PPP1R12B: variants seen among roughly 807,000 people sequenced by gnomAD.
PPP1R12B encodes myosin phosphatase target subunit 2.
In PPP1R12B, 76 loss-of-function variants were observed where a neutral mutation model predicts 126.1. That is an observed-to-expected ratio of 0.60 (90% CI 0.50 to 0.73). PPP1R12B has a LOEUF of 0.73. Ranked by LOEUF, PPP1R12B falls within the 30% of genes least tolerant of loss-of-function variation. The probability of loss-of-function intolerance (pLI) is 0.00; values close to 1 mark genes in which losing one functional copy is unlikely to be tolerated. For synonymous variants in PPP1R12B, 356 were observed against 434.7 expected, an observed-to-expected ratio of 0.82 and a Z score of 2.25; for missense variants, 1,052 against 1,205.1, an observed-to-expected ratio of 0.87 and a Z score of 1.88.
intron 13 of PPP1R12B, chr1:202,472,006 G>A (rs1158776193): frequency 6.3e-7 from 1 of 1,595,254 alleles, no homozygotes; most frequent in Non-Finnish European, 8.5e-7. Context: ...TAGCATCCTG[G>A]GCATTTCACA....
intron 1 of PPP1R12B, among the ~76,000 whole-genome samples, chr1:202,373,783 A>G (rs1379129991): frequency 6.6e-6 from 1 of 152,158 alleles, no homozygotes; most frequent in Non-Finnish European, 1.5e-5. Flanking sequence ...GGTTTAAAAA[A>G]ATCCCCTTTT....
chr1:202,430,907 T>C, intron 7 of PPP1R12B, 97 bp downstream of exon 7: 1 of 1,483,450 alleles, frequency 6.7e-7, no homozygotes, highest in Non-Finnish European at 9.0e-7. Flanking sequence ...TCTGTGTTTG[T>C]ATTTAGCCGA....
intron 1 of PPP1R12B, among the ~76,000 whole-genome samples, chr1:202,388,790 AG>A (rs1663594636): frequency 6.6e-6 from 1 of 152,200 alleles, no homozygotes; most frequent in African/African-American, 2.4e-5. Flanking sequence ...AAATTTGGCA[AG>A]CTCATCCTGA....
intron 1 of PPP1R12B, among the ~76,000 whole-genome samples, chr1:202,384,234 A>G (rs1483224376): frequency 2.0e-5 from 3 of 152,260 alleles, no homozygotes; most frequent in East Asian, 1.9e-4. Flanking sequence ...ATATGCCCAC[A>G]TAACAACTTG....
intron 13 of PPP1R12B, among the ~76,000 whole-genome samples, chr1:202,455,203 T>TAGAG (rs1356665221): frequency 8.1e-6 from 1 of 122,904 alleles, no homozygotes; most frequent in African/African-American, 2.5e-5. Flanking sequence ...CATATATATA[T>TAGAG]ATAGAGAGAG....
intron 18 of PPP1R12B, among the ~76,000 whole-genome samples, chr1:202,499,698 A>G (rs1679990538): frequency 6.6e-6 from 1 of 152,258 alleles, no homozygotes; most frequent in South Asian, 2.1e-4. Flanking sequence ...AAGATTGTTT[A>G]ATACTTCACT....
chr1:202,418,258 A>T (rs185439007), intron 2 of PPP1R12B, among the ~76,000 whole-genome samples: 1 of 152,190 alleles, frequency 6.6e-6, no homozygotes, highest in Non-Finnish European at 1.5e-5. Context: ...TTTAAGAAAC[A>T]TTTATAGAAC....
At chr1:202,396,768 A>G (rs1446707326) in intron 1 of PPP1R12B, among the ~76,000 whole-genome samples, 1 of 152,146 alleles carries the variant, frequency 6.6e-6, no homozygotes, top group Non-Finnish European at 1.5e-5. Context: ...GCGTGCCATC[A>G]TGCGTGGCTA....
rs3817223 is a variant in PPP1R12B at position 202,495,647 on chromosome 1, C to A, written c.2413C>A (p.Arg805=). ...IRERRRPKER[R]RGTGINFWTK... ...AGAGAGGAGGCGGCCCAAGGAACGA[C>A]GAAGAGGCACAGGCATCAATTTCTG... is the stretch of plus-strand genomic sequence containing the variant. The change falls in exon 17 of 24, where the codon CGA becomes AGA. Residue 805 remains arginine, a synonymous_variant. Coordinates refer to ENST00000608999, the MANE Select transcript of PPP1R12B (RefSeq NM_002481.4). 2 of 1,614,022 alleles carry A rather than the reference C, an allele frequency of 1.2e-6. No homozygotes were observed. The highest frequency in any genetic ancestry group is 1.7e-5 in the Admixed American group (1 of 59,996).
At chr1:202,524,109 G>T (rs1172489076) in intron 18 of PPP1R12B, among the ~76,000 whole-genome samples, 1 of 152,174 alleles carries the variant, frequency 6.6e-6, no homozygotes, top group Non-Finnish European at 1.5e-5. Context: ...AGTAATCCAG[G>T]CAAGAAATGA....
At position 202,448,992 on chromosome 1, in the gene PPP1R12B, T is replaced by C. The variant is rs1234248733; in HGVS notation, c.1671T>C (p.Thr557=). 2 of 1,613,678 alleles carry C rather than the reference T, an allele frequency of 1.2e-6. 1 individual carries two copies. Among genetic ancestry groups the C allele is most frequent in the South Asian group, 2.2e-5 (2 of 91,070 alleles). The part of the protein sequence containing the change: ...STYVSTYLKR[T]PHKSQADTTA... The stretch of plus-strand genomic sequence containing the variant: ...CTTGTATCTTTTTAAATTTCAGGAC[T>C]CCTCACAAATCCCAGGCCGACACAA... The change falls in exon 13 of 24, where the codon ACT becomes ACC. Residue 557 remains threonine (T), a synonymous_variant. Coordinates refer to ENST00000608999, the MANE Select transcript of PPP1R12B (RefSeq NM_002481.4).
chr1:202,567,914 A>G lies in PPP1R12B; in HGVS notation c.2811+83A>G. The G allele has an allele frequency of 3.3e-6, 5 of 1,507,606 alleles. No homozygotes were observed. In the South Asian group the frequency reaches 4.7e-5, roughly 14 times the overall value. 93.4% of individuals were successfully genotyped at this position (1,507,606 alleles called of 1,614,324 possible). On this transcript the variant is annotated intron_variant, in intron 22 of 23. Transcript: ENST00000608999. ...CCCACTTTGTTATTCATGCCAATGG[A>G]AAAAGTCCATCTTAAGAAGGAGGGA... is the stretch of plus-strand genomic sequence containing the variant.
At chr1:202,405,108 G>A (rs1666412512) in intron 1 of PPP1R12B, among the ~76,000 whole-genome samples, 1 of 152,060 alleles carries the variant, frequency 6.6e-6, no homozygotes, top group Non-Finnish European at 1.5e-5. Flanking sequence ...TTCTTAACCT[G>A]TTCTTTGGTA....
Position 202,586,106 on chromosome 1 carries a change from A to G in PPP1R12B, c.*5546A>G, listed in dbSNP as rs990507324. The G allele has an allele frequency of 6.6e-6, 1 of 152,246 alleles. No individual in the cohort carries two copies. The highest frequency in any genetic ancestry group is 1.5e-5 in the Non-Finnish European group (1 of 68,052). The allele number at this position is 152,246 out of a possible 1,614,324, so 9.4% of individuals were successfully genotyped here. A position where few individuals can be genotyped will look rare whatever the true frequency, so the allele number is the denominator to read the frequency against. ...TCTGGATTTTGGACTTACCAGAAGT[A>G]GGAGGTTCTGATACCATTCAAGATG... On this transcript the variant is annotated 3_prime_UTR_variant, in exon 24 of 24. Transcript: ENST00000608999.
At chr1:202,430,883 TAA>T in intron 7 of PPP1R12B, 73 bp downstream of exon 7, 1 of 1,537,558 alleles carries the variant, frequency 6.5e-7, no homozygotes, top group East Asian at 2.3e-5. Context: ...TCAGAATTTA[TAA>T]AGTGAAGAAA....
At chr1:202,425,797 G>T (rs1394168626) in intron 4 of PPP1R12B, 72 bp downstream of exon 4, 23 of 1,426,918 alleles carry the variant, frequency 1.6e-5, no homozygotes, top group Non-Finnish European at 2.0e-5. Flanking sequence ...AGCAGAGGCT[G>T]AATTAGATTT....
intron 1 of PPP1R12B, among the ~76,000 whole-genome samples, chr1:202,374,939 TTTC>T (rs1305811675): frequency 6.6e-6 from 1 of 152,038 alleles, no homozygotes; most frequent in African/African-American, 2.4e-5. Flanking sequence ...CTCCAACTAT[TTTC>T]TTCTTTTCTT....
intron 1 of PPP1R12B, among the ~76,000 whole-genome samples, chr1:202,354,825 T>G: frequency 9.1e-6 from 1 of 110,196 alleles, no homozygotes; most frequent in South Asian, 3.3e-4. Context: ...TTGTTTTTTT[T>G]GTTGTTGTTT....
chr1:202,532,736 T>C (rs1182538093), intron 18 of PPP1R12B, among the ~76,000 whole-genome samples: 1 of 152,152 alleles, frequency 6.6e-6, no homozygotes, highest in Admixed American at 6.5e-5. Flanking sequence ...GTCACTTCCT[T>C]GTGCCCCTTT....
Sources: gnomAD v4.1 joint callset for allele counts (sites outside exome capture counted in the v4.1 genomes callset) on GRCh38, gnomAD v4.1.1 for gene constraint, MANE v1.5 for transcripts, NCBI Gene and HGNC (gene_info 2026-07-23, HGNC 2026-07-21) for gene names.